Variants in PDE4D observed in about 807,000 individuals in gnomAD.
PDE4D encodes 3',5'-cyclic-AMP phosphodiesterase 4D.
PDE4D carries 24 observed loss-of-function variants against 87.4 expected under a neutral mutation model. The observed-to-expected ratio is 0.27, with a 90% confidence interval of 0.20 to 0.39. PDE4D has a LOEUF of 0.39. Among genes scored for constraint, PDE4D ranks in the 10% least tolerant of loss-of-function variants. PDE4D has a pLI of 1.00. For missense variants in PDE4D, 714 were observed against 1,041.0 expected, an observed-to-expected ratio of 0.69 and a Z score of 4.32; for synonymous variants, 384 against 383.2, an observed-to-expected ratio of 1.00 and a Z score of -0.02.
rs183509270 is a variant in PDE4D at position 59,124,907 on chromosome 5, G to A, written c.808+55688C>T. ...AACACCCACAGTAATTATGGCAAAT[G>A]TTAATGTTTGTTTGTTCTAGGTTTT... On this transcript the variant is annotated intron_variant, in intron 5 of 14. Coordinates refer to ENST00000340635, the MANE Select transcript of PDE4D (RefSeq NM_001104631.2). Among the ~76,000 whole-genome samples, 706 of 151,846 alleles carry A rather than the reference G, an allele frequency of 4.6e-3. 6 individuals are homozygous for A. The highest frequency in any genetic ancestry group is 0.016 in the African/African-American group (680 of 41,428).
At chr5:59,563,497 T>C (rs895683893) in intron 1 of PDE4D, among the ~76,000 whole-genome samples, 1 of 152,256 alleles carries the variant, frequency 6.6e-6, no homozygotes, top group Non-Finnish European at 1.5e-5. Context: ...TTACAGGTTG[T>C]GAAGGAATTA....
At chr5:59,706,111 T>C (rs1432736102) in intron 1 of PDE4D, among the ~76,000 whole-genome samples, 1 of 152,228 alleles carries the variant, frequency 6.6e-6, no homozygotes, top group African/African-American at 2.4e-5. Flanking sequence ...AACGAAATTC[T>C]ATACACACCC....
intron 1 of PDE4D, among the ~76,000 whole-genome samples, chr5:60,461,513 T>C (rs911655023): frequency 5.9e-5 from 9 of 152,264 alleles, no homozygotes; most frequent in Non-Finnish European, 8.8e-5. Flanking sequence ...CTGACTTTAA[T>C]AATTATTCAA....
chr5:59,575,518 G>C (rs1398022889), intron 1 of PDE4D, among the ~76,000 whole-genome samples: 5 of 152,146 alleles, frequency 3.3e-5, no homozygotes, highest in Admixed American at 3.3e-4. Context: ...GATACACCCA[G>C]TTCGGCAGGA....
chr5:59,692,980 C>A (rs1347648455), intron 1 of PDE4D, among the ~76,000 whole-genome samples: 1 of 151,976 alleles, frequency 6.6e-6, no homozygotes, highest in Non-Finnish European at 1.5e-5. Context: ...TTGCTAAGGT[C>A]TATTTAATGT....
At chr5:59,183,717 C>A (rs1023535644) in intron 4 of PDE4D, among the ~76,000 whole-genome samples, 1 of 152,156 alleles carries the variant, frequency 6.6e-6, no homozygotes, top group South Asian at 2.1e-4. Flanking sequence ...TGACATTGCA[C>A]GGCCACGTTA....
At chr5:58,978,582 A>T (rs911583329) in intron 11 of PDE4D, among the ~76,000 whole-genome samples, 1 of 152,114 alleles carries the variant, frequency 6.6e-6, no homozygotes, top group Non-Finnish European at 1.5e-5. Context: ...ATTTTAATGG[A>T]GCTAGGAAGG....
intron 1 of PDE4D, among the ~76,000 whole-genome samples, chr5:59,608,011 T>C (rs1828454672): frequency 6.6e-6 from 1 of 151,992 alleles, no homozygotes; most frequent in African/African-American, 2.4e-5. Flanking sequence ...GAAAAGAAAA[T>C]AAACCTCTCT....
intron 2 of PDE4D, among the ~76,000 whole-genome samples, chr5:59,204,688 G>T (rs1315520282): frequency 6.6e-6 from 1 of 152,188 alleles, no homozygotes; most frequent in Non-Finnish European, 1.5e-5. Context: ...TGAGTACATG[G>T]GCAGGGATTC....
intron 1 of PDE4D, among the ~76,000 whole-genome samples, chr5:59,675,462 T>G (rs574791984): frequency 1.3e-5 from 2 of 152,290 alleles, no homozygotes; most frequent in South Asian, 4.1e-4. Context: ...GTCATGATAT[T>G]TTTGGCAAAA....
At chr5:59,901,923 AAC>A (rs59453461) in intron 3 of PDE4D, among the ~76,000 whole-genome samples, 20,362 of 133,332 alleles carry the variant, frequency 0.15, 1,566 homozygotes, top group Admixed American at 0.23. Context: ...CTTACATGCA[AAC>A]ACACACACAC....
rs556739368 is a variant in PDE4D, at chr5:59,422,125, C to T, written c.456-206157G>A. On this transcript the variant is annotated intron_variant, in intron 1 of 14. Coordinates refer to ENST00000340635, the MANE Select transcript of PDE4D (RefSeq NM_001104631.2). ...AGTCTGAGCGTTTGGAGAATATTTC[C>T]CTGGGGATGATGAGGCCTGAGGATG... Among the ~76,000 whole-genome samples, 6 of 152,178 alleles carry T rather than the reference C, an allele frequency of 3.9e-5. No homozygotes were observed. In the South Asian group the frequency reaches 1.2e-3, roughly 32 times the overall value.
chr5:59,188,179 T>C (rs1743359366), intron 3 of PDE4D, among the ~76,000 whole-genome samples: 1 of 152,144 alleles, frequency 6.6e-6, no homozygotes, highest in Non-Finnish European at 1.5e-5. Context: ...ACAGTTGTCC[T>C]TACTCCTTAA....
At chr5:60,400,572 G>A (rs958207531) in intron 1 of PDE4D, among the ~76,000 whole-genome samples, 1 of 143,440 alleles carries the variant, frequency 7.0e-6, no homozygotes, top group Admixed American at 6.9e-5. Flanking sequence ...CAATCCCCAA[G>A]TATATGTAAT....
chr5:59,800,169 G>A (rs775727831), intron 1 of PDE4D, among the ~76,000 whole-genome samples: 6 of 152,006 alleles, frequency 3.9e-5, no homozygotes, highest in Non-Finnish European at 4.4e-5. Context: ...CAGCCACTGG[G>A]GAAACAGTTT....
At chr5:59,675,297 A>T (rs144633799) in intron 1 of PDE4D, among the ~76,000 whole-genome samples, 6 of 150,792 alleles carry the variant, frequency 4.0e-5, no homozygotes, top group Admixed American at 6.6e-5. Context: ...CCATCAGTAC[A>T]TTCAACTCAG....
At chr5:59,135,321 G>C (rs564255484) in intron 5 of PDE4D, among the ~76,000 whole-genome samples, 1 of 152,310 alleles carries the variant, frequency 6.6e-6, no homozygotes, top group African/African-American at 2.4e-5. Context: ...ACTTTGGCAA[G>C]TAGTAGCAAA....
chr5:59,981,903 TC>T (rs764459929), intron 3 of PDE4D, among the ~76,000 whole-genome samples: 4 of 152,162 alleles, frequency 2.6e-5, no homozygotes, highest in Non-Finnish European at 5.9e-5. Flanking sequence ...CTGAAAACAA[TC>T]TTTTTTTTAA....
At chr5:60,289,574 T>TA in intron 1 of PDE4D, among the ~76,000 whole-genome samples, 2 of 152,236 alleles carry the variant, frequency 1.3e-5, no homozygotes, top group Admixed American at 1.3e-4. Context: ...GAAATAGCAA[T>TA]AAAAAATAAC....
Sources: gnomAD v4.1 joint callset for allele counts (sites outside exome capture counted in the v4.1 genomes callset) on GRCh38, gnomAD v4.1.1 for gene constraint, MANE v1.5 for transcripts, NCBI Gene and HGNC (gene_info 2026-07-23, HGNC 2026-07-21) for gene names.